ROR2: variants seen among roughly 807,000 people sequenced by gnomAD.
The protein encoded by ROR2 is ROR family WNT receptor 2.
In ROR2, 33 loss-of-function variants were observed where a neutral mutation model predicts 74.9. That is an observed-to-expected ratio of 0.44 (90% CI 0.33 to 0.59). The LOEUF is 0.59. Ranked by LOEUF, ROR2 falls within the 20% of genes least tolerant of loss-of-function variation. The probability of loss-of-function intolerance (pLI) is 0.02; values close to 1 mark genes in which losing one functional copy is unlikely to be tolerated. For missense variants in ROR2, 1,216 were observed against 1,313.8 expected, an observed-to-expected ratio of 0.93 and a Z score of 1.15; for synonymous variants, 586 against 558.7, an observed-to-expected ratio of 1.05 and a Z score of -0.69.
rs138626161 is a variant in ROR2 at position 91,722,888 on chromosome 9, T to C, written c.*774A>G. Reference sequence around the variant, plus strand: ...ACATTTAAGCTCTGTACATGATTCTTAACAAAAATAACAATACCGTGTTCT... The same window carrying C: ...ACATTTAAGCTCTGTACATGATTCTCAACAAAAATAACAATACCGTGTTCT... On this transcript the variant is annotated 3_prime_UTR_variant, in exon 9 of 9. Coordinates refer to ENST00000375708, the MANE Select transcript of ROR2 (RefSeq NM_004560.4). 33 of 436,180 alleles carry C rather than the reference T, an allele frequency of 7.6e-5. 1 individual carries two copies. Among genetic ancestry groups the C allele is most frequent in the East Asian group, 3.2e-4 (8 of 24,942 alleles). The allele number at this position is 436,180 out of a possible 1,614,324, so 27.0% of individuals were successfully genotyped here.
At chr9:91,841,419 G>A (rs773957512) in intron 1 of ROR2, among the ~76,000 whole-genome samples, 7 of 152,192 alleles carry the variant, frequency 4.6e-5, no homozygotes, top group Non-Finnish European at 8.8e-5. Flanking sequence ...CTGCCTGAAT[G>A]CCCATGAGAC....
intron 2 of ROR2, among the ~76,000 whole-genome samples, chr9:91,764,006 ATTTTGTTTTTCATAT>A (rs1041978598): frequency 4.3e-4 from 65 of 152,164 alleles, no homozygotes; most frequent in Middle Eastern, 6.8e-3. Flanking sequence ...AAGCTTGTTG[ATTTTGTTTTTCATAT>A]TTTTAATATG....
intron 2 of ROR2, among the ~76,000 whole-genome samples, chr9:91,763,540 C>T (rs150775867): frequency 2.0e-5 from 3 of 152,136 alleles, no homozygotes; most frequent in Admixed American, 1.3e-4. Context: ...AGTTTTAGTT[C>T]GCATCTTATG....
rs755185431 is a variant in ROR2 at position 91,731,007 on chromosome 9, G to A, written c.1086C>T (p.His362=). The A allele has an allele frequency of 6.2e-6, 10 of 1,614,050 alleles. No homozygotes were observed. The highest frequency in any genetic ancestry group is 1.6e-4 in the Middle Eastern group (1 of 6,084). The change falls in exon 7 of 9, where the codon CAC becomes CAT. Residue 362 remains histidine, a synonymous_variant. Coordinates refer to ENST00000375708, the MANE Select transcript of ROR2 (RefSeq NM_004560.4). ...STDFPELGGG[H]AYCRNPGGQM... is the part of the protein sequence containing the mutation. ...GGCCTCCGGGGTTCCGGCAGTAGGC[G>A]TGCCCCCCTCCAAGCTCAGGGAAGT...
chr9:91,792,357 G>GA (rs1827018167), intron 1 of ROR2, among the ~76,000 whole-genome samples: 2 of 134,668 alleles, frequency 1.5e-5, no homozygotes, highest in Admixed American at 7.2e-5. Flanking sequence ...GCCCAGGTTG[G>GA]AGTGCAGTAG....
chr9:91,886,203 T>C (rs1174500449), intron 1 of ROR2, among the ~76,000 whole-genome samples: 7 of 152,172 alleles, frequency 4.6e-5, no homozygotes, highest in Non-Finnish European at 1.5e-5. Flanking sequence ...GGCGCATTTA[T>C]CTTCTGGAGA....
At position 91,722,628 on chromosome 9, in the gene ROR2, C is replaced by A. The variant is rs113891167; in HGVS notation, c.*1034G>T. The A allele has an allele frequency of 9.7e-4, 756 of 779,780 alleles. 12 individuals are homozygous for A. The African/African-American group carries it at 0.011, about 12-fold the overall frequency. The allele number at this position is 779,780 out of a possible 1,614,324, so 48.3% of individuals were successfully genotyped here. On this transcript the variant is annotated 3_prime_UTR_variant, in exon 9 of 9. Coordinates refer to ENST00000375708, the MANE Select transcript of ROR2 (RefSeq NM_004560.4). The stretch of plus-strand genomic sequence containing the variant: ...CTTTGTTTCACTTTATTGGATACAC[C>A]GGGTGTGGGATTTACAAATAGGACC...
At chr9:91,898,848 G>A (rs902692730) in intron 1 of ROR2, among the ~76,000 whole-genome samples, 2 of 152,176 alleles carry the variant, frequency 1.3e-5, no homozygotes, top group African/African-American at 2.4e-5. Flanking sequence ...CCTCCAGAAC[G>A]GGCATGACCA....
chr9:91,917,278 C>T (rs1314980874), intron 1 of ROR2, among the ~76,000 whole-genome samples: 1 of 152,140 alleles, frequency 6.6e-6, no homozygotes, highest in Admixed American at 6.5e-5. Flanking sequence ...AACACTTTGG[C>T]CAATACCATC....
intron 1 of ROR2, among the ~76,000 whole-genome samples, chr9:91,782,827 A>T (rs2118967436): frequency 6.6e-6 from 1 of 152,320 alleles, no homozygotes; most frequent in Non-Finnish European, 1.5e-5. Flanking sequence ...AATTTGCTTC[A>T]GAGTCTTGGA....
intron 1 of ROR2, among the ~76,000 whole-genome samples, chr9:91,918,255 A>T: frequency 8.9e-6 from 1 of 112,786 alleles, no homozygotes; most frequent in Non-Finnish European, 1.7e-5. Context: ...GCGACAGGAG[A>T]CTCGTCTCAA....
At chr9:91,948,453 G>A (rs1409302665) in intron 1 of ROR2, among the ~76,000 whole-genome samples, 6 of 152,226 alleles carry the variant, frequency 3.9e-5, no homozygotes, top group Non-Finnish European at 8.8e-5. Flanking sequence ...TTATTTTATT[G>A]TGCACTCTGA....
At chr9:91,730,367 G>A (rs1004522532) in intron 7 of ROR2, among the ~76,000 whole-genome samples, 5 of 152,226 alleles carry the variant, frequency 3.3e-5, no homozygotes, top group Admixed American at 6.5e-5. Context: ...GGTAACATTA[G>A]GGGTGATCTG....
chr9:91,923,409 T>A (rs918565010), intron 1 of ROR2, among the ~76,000 whole-genome samples: 6 of 152,234 alleles, frequency 3.9e-5, no homozygotes, highest in African/African-American at 1.4e-4. Flanking sequence ...ATGTGATTAA[T>A]GGCTATCAAT....
intron 1 of ROR2, among the ~76,000 whole-genome samples, chr9:91,936,753 G>A (rs967393027): frequency 2.6e-5 from 4 of 151,810 alleles, no homozygotes; most frequent in Admixed American, 2.0e-4. Flanking sequence ...ATCTTCGGCC[G>A]GGCGCGGTGG....
chr9:91,802,135 G>A (rs1335905088), intron 1 of ROR2, among the ~76,000 whole-genome samples: 4 of 147,252 alleles, frequency 2.7e-5, no homozygotes, highest in Admixed American at 2.1e-4. Context: ...GTGCAGTGGC[G>A]TGATCTCCAC....
At chr9:91,725,860 T>G (rs4075589) in intron 8 of ROR2, among the ~76,000 whole-genome samples, 2 of 152,052 alleles carry the variant, frequency 1.3e-5, no homozygotes, top group African/African-American at 2.4e-5. Context: ...CCCCTGCCCA[T>G]AGCAAACTCT....
At chr9:91,792,687 T>C (rs1235263265) in intron 1 of ROR2, among the ~76,000 whole-genome samples, 1 of 152,090 alleles carries the variant, frequency 6.6e-6, no homozygotes, top group Non-Finnish European at 1.5e-5. Context: ...ATATTAAGAA[T>C]ATTAAGAATG....
At chr9:91,858,465 G>A (rs1383782346) in intron 1 of ROR2, among the ~76,000 whole-genome samples, 3 of 152,208 alleles carry the variant, frequency 2.0e-5, no homozygotes, top group African/African-American at 7.2e-5. Context: ...TTCTCAAAGT[G>A]CCCAATGAGG....
Sources: gnomAD v4.1 joint callset for allele counts (sites outside exome capture counted in the v4.1 genomes callset) on GRCh38, gnomAD v4.1.1 for gene constraint, MANE v1.5 for transcripts, NCBI Gene and HGNC (gene_info 2026-07-23, HGNC 2026-07-21) for gene names.